The following AVL9 variants were observed in gnomAD, a reference collection of about 807,000 sequenced individuals.
AVL9 encodes AVL9 cell migration associated.
Under a neutral mutation model 79.2 loss-of-function variants are expected in AVL9, and 49 were observed. That is an observed-to-expected ratio of 0.62 (90% CI 0.49 to 0.79). The LOEUF is 0.79. AVL9 is among the 30% of genes least tolerant of loss of function. The pLI, the probability that AVL9 is intolerant of heterozygous loss-of-function variation, is 0.00. For synonymous variants in AVL9, 299 were observed against 280.6 expected (o/e 1.07, Z -0.65); for missense variants, 682 against 776.8 (o/e 0.88, Z 1.45).
chr7:32,497,378 A>G (rs1053944726), intron 1 of AVL9, among the ~76,000 whole-genome samples: 8 of 152,346 alleles, frequency 5.3e-5, no homozygotes, highest in South Asian at 4.1e-4. Flanking sequence ...TGTTACATGC[A>G]TAAGTCTTAG....
intron 1 of AVL9, among the ~76,000 whole-genome samples, chr7:32,539,750 A>G (rs1789089202): frequency 3.3e-5 from 5 of 152,234 alleles, no homozygotes; most frequent in Admixed American, 3.3e-4. Context: ...ACTGGGCTAA[A>G]ATCAAGGTGT....
At chr7:32,495,850 C>T (rs1441326105) in intron 1 of AVL9, 48 bp downstream of exon 1, 13 of 1,208,938 alleles carry the variant, frequency 1.1e-5, no homozygotes, top group Non-Finnish European at 1.4e-5. Context: ...GCGTTCGCCC[C>T]TTCCGGGGCC....
chr7:32,509,835 G>A (rs1395220465), intron 1 of AVL9, among the ~76,000 whole-genome samples: 2 of 152,166 alleles, frequency 1.3e-5, no homozygotes, highest in African/African-American at 4.8e-5. Context: ...GGGCAACAGA[G>A]TGAGACTGTC....
intron 1 of AVL9, among the ~76,000 whole-genome samples, chr7:32,522,668 T>G (rs1788213206): frequency 6.6e-6 from 1 of 152,112 alleles, no homozygotes; most frequent in African/African-American, 2.4e-5. Flanking sequence ...TTTGGGAGAC[T>G]GTTGGGAAGG....
At chr7:32,540,592 C>A (rs1020625931) in intron 1 of AVL9, among the ~76,000 whole-genome samples, 2 of 152,146 alleles carry the variant, frequency 1.3e-5, no homozygotes, top group Non-Finnish European at 2.9e-5. Context: ...GCTTGGTGAT[C>A]TTTTAAATTT....
intron 13 of AVL9, among the ~76,000 whole-genome samples, 196 bp downstream of exon 13, chr7:32,576,268 G>A (rs1791094092): frequency 1.3e-5 from 2 of 152,186 alleles, no homozygotes; most frequent in Admixed American, 6.5e-5. Flanking sequence ...CAAAAAGCAT[G>A]AGCATTATGG....
chr7:32,506,699 G>T (rs578051368), intron 1 of AVL9, among the ~76,000 whole-genome samples: 3 of 151,786 alleles, frequency 2.0e-5, no homozygotes, highest in South Asian at 4.2e-4. Context: ...ATTACCTGAG[G>T]CCACAAGTTT....
At chr7:32,576,099 G>GTACA in intron 13 of AVL9, 27 bp downstream of exon 13, 1 of 1,486,812 alleles carries the variant, frequency 6.7e-7, no homozygotes, top group Non-Finnish European at 9.4e-7. Flanking sequence ...AAGATTGATA[G>GTACA]TACATAAATG....
intron 1 of AVL9, among the ~76,000 whole-genome samples, chr7:32,520,482 C>A (rs1405502477): frequency 1.3e-5 from 2 of 152,134 alleles, no homozygotes; most frequent in African/African-American, 4.8e-5. Flanking sequence ...TAACAACCAG[C>A]CTAGTAGACT....
chr7:32,572,479 T>A (rs1466788929), intron 11 of AVL9, among the ~76,000 whole-genome samples: 1 of 150,768 alleles, frequency 6.6e-6, no homozygotes, highest in Non-Finnish European at 1.5e-5. Context: ...ATGTATTTTT[T>A]AGTATATCAA....
At chr7:32,564,228 A>G (rs964399375) in intron 10 of AVL9, among the ~76,000 whole-genome samples, 1 of 152,228 alleles carries the variant, frequency 6.6e-6, no homozygotes, top group Non-Finnish European at 1.5e-5. Flanking sequence ...TAAATACGTG[A>G]TGGGCTTACT....
intron 10 of AVL9, among the ~76,000 whole-genome samples, chr7:32,566,496 A>G (rs1302610781): frequency 4.0e-5 from 6 of 151,416 alleles, no homozygotes; most frequent in Non-Finnish European, 8.8e-5. Flanking sequence ...GGCTAGTCAA[A>G]TGAAGCACTG....
At chr7:32,537,863 G>A (rs1375917835) in intron 1 of AVL9, 2 of 152,164 alleles carry the variant, frequency 1.3e-5, no homozygotes, top group African/African-American at 4.8e-5. Flanking sequence ...CAGGAGAAGA[G>A]AATTATAGAA....
chr7:32,532,408 C>G (rs1018065629), intron 1 of AVL9: 1 of 152,216 alleles, frequency 6.6e-6, no homozygotes, highest in African/African-American at 2.4e-5. Flanking sequence ...TTTTCCACTT[C>G]AAGGTGGTGT....
chr7:32,556,584 T>TA (rs368909456), intron 8 of AVL9, among the ~76,000 whole-genome samples: 1 of 151,162 alleles, frequency 6.6e-6, no homozygotes, highest in Non-Finnish European at 1.5e-5. Context: ...GTTTTTTTTT[T>TA]AAAAATGAAC....
intron 1 of AVL9, chr7:32,539,281 T>C (rs4723170): frequency 0.25 from 37,945 of 152,210 alleles, 5,636 homozygotes; most frequent in Admixed American, 0.43. Flanking sequence ...AAAAGTGTGC[T>C]TGTGACCAGC....
rs10282608 is a variant in AVL9 at position 32,566,512 on chromosome 7, A to T, written c.1216-3508A>T. Among the ~76,000 whole-genome samples the T allele has an allele frequency of 3.3e-5, 5 of 151,312 alleles. No individual in the cohort carries two copies. In the South Asian group the frequency reaches 6.3e-4, roughly 19 times the overall value. Reference sequence around the variant, plus strand: ...GCTAGTCAAATGAAGCACTGGGGATAGAGAATAAAAATAAAATAGTATATA... The same window carrying T: ...GCTAGTCAAATGAAGCACTGGGGATTGAGAATAAAAATAAAATAGTATATA... On this transcript the variant is annotated intron_variant, in intron 10 of 15. Coordinates refer to ENST00000318709, the MANE Select transcript of AVL9 (RefSeq NM_015060.3).
intron 10 of AVL9, among the ~76,000 whole-genome samples, chr7:32,568,094 G>A (rs1253233121): frequency 6.6e-6 from 1 of 150,938 alleles, no homozygotes; most frequent in African/African-American, 2.4e-5. Flanking sequence ...GGAACTCCTG[G>A]ACTCAAGCAG....
At chr7:32,580,421 A>C in intron 14 of AVL9, 149 bp downstream of exon 14, 1 of 661,670 alleles carries the variant, frequency 1.5e-6, no homozygotes, top group Non-Finnish European at 2.6e-6. Flanking sequence ...TTAGCTCAGC[A>C]GTGTGTATGT....
Sources: gnomAD v4.1 joint callset for allele counts (sites outside exome capture counted in the v4.1 genomes callset) on GRCh38, gnomAD v4.1.1 for gene constraint, MANE v1.5 for transcripts, NCBI Gene and HGNC (gene_info 2026-07-23, HGNC 2026-07-21) for gene names.